ZSWIM6: variants seen among roughly 807,000 people sequenced by gnomAD.
The protein encoded by ZSWIM6 is zinc finger SWIM domain-containing protein 6.
A neutral mutation model predicts 113.2 loss-of-function variants in ZSWIM6; 9 were observed. The observed-to-expected ratio is 0.08, with a 90% CI of 0.05 to 0.14. The LOEUF (loss-of-function observed/expected upper bound fraction) is 0.14. Ranked by LOEUF, ZSWIM6 falls within the 10% of genes least tolerant of loss-of-function variation. The probability of loss-of-function intolerance (pLI) is 1.00; values close to 1 mark genes in which losing one functional copy is unlikely to be tolerated. For missense variants in ZSWIM6, 1,162 were observed against 1,552.2 expected (o/e 0.75, Z 4.22); for synonymous variants, 611 against 606.5 (o/e 1.01, Z -0.11).
At chr5:61,497,096 A>G (rs1748337248) in intron 4 of ZSWIM6, among the ~76,000 whole-genome samples, 1 of 145,076 alleles carries the variant, frequency 6.9e-6, no homozygotes. Flanking sequence ...GGCAGTGACC[A>G]GTACACCAGG....
chr5:61,498,274 G>A (rs981538760), intron 4 of ZSWIM6, among the ~76,000 whole-genome samples: 1 of 151,986 alleles, frequency 6.6e-6, no homozygotes, highest in South Asian at 2.1e-4. Context: ...ACTTTCTCTC[G>A]GAGCTGAGTC....
intron 1 of ZSWIM6, among the ~76,000 whole-genome samples, chr5:61,389,554 CAAAAA>C (rs60533774): frequency 3.9e-5 from 2 of 50,986 alleles, no homozygotes; most frequent in South Asian, 7.2e-4. Context: ...GACTCAGTCT[CAAAAA>C]AAAAAAAAAA....
chr5:61,519,422 T>C (rs1261465775), intron 4 of ZSWIM6, among the ~76,000 whole-genome samples: 1 of 152,076 alleles, frequency 6.6e-6, no homozygotes, highest in East Asian at 1.9e-4. Context: ...ATTTCAATGC[T>C]AGGAGAAAAA....
At chr5:61,484,069 T>C (rs1747951137) in intron 2 of ZSWIM6, among the ~76,000 whole-genome samples, 1 of 152,094 alleles carries the variant, frequency 6.6e-6, no homozygotes, top group Non-Finnish European at 1.5e-5. Flanking sequence ...TTGGAGGGTA[T>C]CTGAATGGTG....
chr5:61,332,305 G>A lies in ZSWIM6; in HGVS notation c.33G>A (p.Ala11=), dbSNP rs763502557. 1.7e-5 allele frequency: 20 copies of A among 1,168,460 alleles called. No homozygotes were observed. In the South Asian group the frequency reaches 3.8e-4, roughly 22 times the overall value. The allele number at this position is 1,168,460 out of a possible 1,614,324, so 72.4% of individuals were successfully genotyped here. A position where few individuals can be genotyped will look rare whatever the true frequency, so the allele number is the denominator to read the frequency against. Residue 11 remains alanine, a synonymous_variant, in exon 1 of 14, where the codon GCG becomes GCA. Transcript: ENST00000252744. ...AGCGCGGACAGCAGCCTCCTCCCGC[G>A]AAACGGCTTTGCTGCCGGCCGGGCG... The part of the protein sequence containing the change: MAERGQQPPP[A]KRLCCRPGGG...
chr5:61,391,733 G>A lies in ZSWIM6; in HGVS notation c.676+58785G>A, dbSNP rs191380724. The A allele has an allele frequency of 2.2e-3, 2,521 of 1,145,004 alleles. 6 individuals are homozygous for A. The highest frequency in any genetic ancestry group is 2.9e-3 in the Admixed American group (172 of 58,748). 70.9% of individuals were successfully genotyped at this position (1,145,004 alleles called of 1,614,324 possible). A position where few individuals can be genotyped will look rare whatever the true frequency, so the allele number is the denominator to read the frequency against. On this transcript the variant is annotated intron_variant, in intron 1 of 13. Transcript: ENST00000252744. ...TTGGTCATGCCAGCCTTGTATCCCA[G>A]GAAGGCTGTGAGGTGGACCAGCTTG...
chr5:61,503,944 C>T (rs1427992714), intron 4 of ZSWIM6, among the ~76,000 whole-genome samples: 3 of 152,054 alleles, frequency 2.0e-5, no homozygotes, highest in African/African-American at 4.8e-5. Context: ...TAATCTTACC[C>T]CTTTTTTCCA....
In ZSWIM6 at chr5:61,530,090, G is replaced by C; in HGVS notation, c.1876G>C (p.Glu626Gln). ...HKNITSITNLEGWVGHPLDPV... is the reference protein window; with the variant it reads ...HKNITSITNLQGWVGHPLDPV... ...AAACATAACCTCGATAACCAATCTGGAGGGCTGGGTTGGACATCCCCTGGA... is the reference window on the plus strand; with the variant it reads ...AAACATAACCTCGATAACCAATCTGCAGGGCTGGGTTGGACATCCCCTGGA... Residue 626 changes from glutamate (E) to glutamine (Q), a missense_variant, in exon 8 of 14, where the codon GAG becomes CAG. By Grantham distance (29) the Glu-to-Gln change is conservative. This residue lies in a region of ZSWIM6 where 620 missense variants were observed against 804.6 expected (regional missense o/e 0.77). Transcript: ENST00000252744. The C allele has an allele frequency of 6.4e-7, 1 of 1,551,318 alleles. No homozygotes were observed. Among genetic ancestry groups the C allele is most frequent in the South Asian group, 1.2e-5 (1 of 83,994 alleles).
At chr5:61,375,739 A>G (rs1745361194) in intron 1 of ZSWIM6, 3 of 1,535,670 alleles carry the variant, frequency 2.0e-6, no homozygotes, top group East Asian at 2.4e-5. Context: ...AAAAAAGAAG[A>G]AAAGCAGTGA....
At position 61,418,510 on chromosome 5, in the gene ZSWIM6, C is replaced by T. The variant is rs745356445; in HGVS notation, c.677-54171C>T. 2.6e-5 allele frequency among the ~76,000 whole-genome samples: 4 copies of T among 152,094 alleles called. No homozygotes were observed. In the East Asian group the frequency reaches 7.7e-4, roughly 29 times the overall value. Reference sequence around the variant, plus strand: ...CTGACCTCAGTTGATCCACCAGCCTCGGCCTCCCAAAGTGCCGGGATTACA... The same window carrying T: ...CTGACCTCAGTTGATCCACCAGCCTTGGCCTCCCAAAGTGCCGGGATTACA... On this transcript the variant is annotated intron_variant, in intron 1 of 13. Coordinates refer to ENST00000252744, the MANE Select transcript of ZSWIM6 (RefSeq NM_020928.2).
chr5:61,393,833 G>T (rs879346068), intron 1 of ZSWIM6, among the ~76,000 whole-genome samples: 1 of 152,054 alleles, frequency 6.6e-6, no homozygotes, highest in Non-Finnish European at 1.5e-5. Context: ...CTTGGGTCTG[G>T]TTTTTTGTAA....
chr5:61,460,624 A>T (rs1747303245), intron 1 of ZSWIM6, among the ~76,000 whole-genome samples: 1 of 152,246 alleles, frequency 6.6e-6, no homozygotes, highest in African/African-American at 2.4e-5. Flanking sequence ...TGTTAACTCA[A>T]ATTGTCCAAT....
chr5:61,375,012 A>T, intron 1 of ZSWIM6: 2 of 1,087,724 alleles, frequency 1.8e-6, no homozygotes, highest in East Asian at 2.5e-5. Flanking sequence ...TATGAAAAAG[A>T]AGAGTAATGA....
intron 1 of ZSWIM6, among the ~76,000 whole-genome samples, chr5:61,422,215 G>A (rs1220184564): frequency 6.6e-6 from 1 of 152,152 alleles, no homozygotes; most frequent in Non-Finnish European, 1.5e-5. Flanking sequence ...AGATTTAAGT[G>A]TTTAATCCAT....
At chr5:61,512,537 G>A (rs953423561) in intron 4 of ZSWIM6, among the ~76,000 whole-genome samples, 1 of 152,054 alleles carries the variant, frequency 6.6e-6, no homozygotes, top group African/African-American at 2.4e-5. Flanking sequence ...ATGTGAAACC[G>A]CCAAACTGTT....
At chr5:61,424,291 A>G (rs1351853147) in intron 1 of ZSWIM6, among the ~76,000 whole-genome samples, 1 of 152,238 alleles carries the variant, frequency 6.6e-6, no homozygotes, top group South Asian at 2.1e-4. Flanking sequence ...CAGGGATTAG[A>G]TATAAGGTAC....
intron 1 of ZSWIM6, among the ~76,000 whole-genome samples, chr5:61,413,952 C>T (rs569390522): frequency 4.0e-5 from 6 of 151,208 alleles, no homozygotes; most frequent in Admixed American, 2.0e-4. Context: ...GGGGGTGGGG[C>T]GACCTGATGT....
Position 61,516,845 on chromosome 5 carries a change from G to A in ZSWIM6, c.1334-4418G>A, listed in dbSNP as rs367879285. Among the ~76,000 whole-genome samples the A allele has an allele frequency of 5.5e-4, 84 of 151,896 alleles. 1 individual carries two copies. In the East Asian group the frequency reaches 0.014, roughly 25 times the overall value. ...CATTTCTTTTAGAACAGATGTCTTG[G>A]CAACGAATACTGTAAATTTTCCCTG... On this transcript the variant is annotated intron_variant, in intron 4 of 13. Transcript: ENST00000252744.
chr5:61,351,932 C>A (rs1190410962), intron 1 of ZSWIM6, among the ~76,000 whole-genome samples: 2 of 152,192 alleles, frequency 1.3e-5, no homozygotes, highest in Non-Finnish European at 2.9e-5. Flanking sequence ...ACAGGCAGGG[C>A]TCAGCTCTTA....
Sources: gnomAD v4.1 joint callset for allele counts (sites outside exome capture counted in the v4.1 genomes callset) on GRCh38, gnomAD v4.1.1 for gene constraint, gnomAD v4.1.1 regional missense constraint, MANE v1.5 for transcripts, NCBI Gene and HGNC (gene_info 2026-07-23, HGNC 2026-07-21) for gene names.